The following PCSK5 variants were observed in gnomAD, a reference collection of about 807,000 sequenced individuals.
PCSK5 encodes the protein prohormone convertase 5.
PCSK5 carries 129 observed loss-of-function variants against 233.2 expected under a neutral mutation model. The ratio of observed to expected loss-of-function variants is 0.55; its 90% CI spans 0.48 to 0.64. PCSK5 has a LOEUF of 0.64. Among genes scored for constraint, PCSK5 ranks in the 30% least tolerant of loss-of-function variants. The pLI, the probability that PCSK5 is intolerant of heterozygous loss-of-function variation, is 0.00. For missense variants in PCSK5, 2,076 were observed against 2,430.1 expected, an observed-to-expected ratio of 0.85 and a Z score of 3.06; for synonymous variants, 825 against 879.2, an observed-to-expected ratio of 0.94 and a Z score of 1.09.
intron 14 of PCSK5, among the ~76,000 whole-genome samples, chr9:76,177,943 G>A (rs920835534): frequency 2.4e-5 from 3 of 125,196 alleles, no homozygotes; most frequent in African/African-American, 8.5e-5. Flanking sequence ...AAGAATAAAT[G>A]TTTGGGATTT....
At chr9:76,120,149 TC>T (rs1832578097) in intron 9 of PCSK5, among the ~76,000 whole-genome samples, 1 of 152,106 alleles carries the variant, frequency 6.6e-6, no homozygotes, top group African/African-American at 2.4e-5. Flanking sequence ...TTTATAGGGA[TC>T]CTATTTGCCC....
At chr9:75,954,795 C>G (rs1457977545) in intron 2 of PCSK5, among the ~76,000 whole-genome samples, 1 of 152,106 alleles carries the variant, frequency 6.6e-6, no homozygotes, top group Non-Finnish European at 1.5e-5. Flanking sequence ...AGGGCTTTCT[C>G]AACAGGAGAG....
At chr9:76,224,041 G>C (rs1825806179) in intron 20 of PCSK5, among the ~76,000 whole-genome samples, 1 of 152,172 alleles carries the variant, frequency 6.6e-6, no homozygotes, top group African/African-American at 2.4e-5. Context: ...AACGTGAAGA[G>C]GCATGCAGAC....
At chr9:76,307,217 G>T (rs1253161972) in intron 28 of PCSK5, among the ~76,000 whole-genome samples, 1 of 152,164 alleles carries the variant, frequency 6.6e-6, no homozygotes, top group Non-Finnish European at 1.5e-5. Flanking sequence ...CGGCATAGCT[G>T]GGATCTGAAG....
chr9:75,920,392 G>A (rs550210916), intron 1 of PCSK5, among the ~76,000 whole-genome samples: 4 of 152,208 alleles, frequency 2.6e-5, no homozygotes, highest in South Asian at 2.1e-4. Flanking sequence ...GGGCTCAAGC[G>A]ATCCTCCTGC....
intron 9 of PCSK5, among the ~76,000 whole-genome samples, chr9:76,127,883 A>G (rs1010371268): frequency 3.9e-5 from 6 of 152,184 alleles, no homozygotes; most frequent in Non-Finnish European, 5.9e-5. Context: ...AGAGACTTTC[A>G]AGAGGTTCAG....
chr9:76,300,964 T>C (rs1183159842), intron 27 of PCSK5, among the ~76,000 whole-genome samples: 1 of 152,166 alleles, frequency 6.6e-6, no homozygotes, highest in African/African-American at 2.4e-5. Context: ...CAGCATTCCC[T>C]GGGTCACAAA....
intron 22 of PCSK5, among the ~76,000 whole-genome samples, chr9:76,237,796 A>G (rs1235264042): frequency 6.6e-6 from 1 of 152,188 alleles, no homozygotes. Flanking sequence ...AATGTATTTC[A>G]ACTATGGCTT....
chr9:76,249,069 T>C (rs753634073), intron 24 of PCSK5, among the ~76,000 whole-genome samples: 22 of 152,228 alleles, frequency 1.4e-4, no homozygotes, highest in Non-Finnish European at 2.5e-4. Context: ...AACCCTCACC[T>C]CGTATTCTTG....
intron 9 of PCSK5, among the ~76,000 whole-genome samples, chr9:76,124,348 T>C (rs1412487058): frequency 6.6e-6 from 1 of 152,200 alleles, no homozygotes; most frequent in Admixed American, 6.5e-5. Flanking sequence ...GACTCAGTAA[T>C]TTTTAGTCCT....
intron 29 of PCSK5, 88 bp from the exon 30 acceptor site, chr9:76,310,568 G>C (rs2131438034): frequency 2.6e-6 from 2 of 777,642 alleles, no homozygotes; most frequent in East Asian, 5.7e-5. Flanking sequence ...TGGATACTTT[G>C]GTCTTTGGAA....
intron 7 of PCSK5, among the ~76,000 whole-genome samples, chr9:76,088,116 A>T (rs1831139224): frequency 6.6e-6 from 1 of 152,134 alleles, no homozygotes; most frequent in Non-Finnish European, 1.5e-5. Context: ...CCTTCCTTAG[A>T]GTGTCTCTTA....
intron 34 of PCSK5, among the ~76,000 whole-genome samples, chr9:76,335,948 A>G (rs1300375146): frequency 6.6e-6 from 1 of 152,202 alleles, no homozygotes; most frequent in Non-Finnish European, 1.5e-5. Context: ...AGCTACTAAT[A>G]CATGGCAGAG....
chr9:76,180,833 A>G (rs1610363), intron 15 of PCSK5, among the ~76,000 whole-genome samples: 38,424 of 152,028 alleles, frequency 0.25, 5,920 homozygotes, highest in East Asian at 0.61. Context: ...ATTGGTGCTC[A>G]GTAAATATTT....
intron 3 of PCSK5, among the ~76,000 whole-genome samples, chr9:76,001,887 GT>G (rs1827278191): frequency 6.6e-6 from 1 of 152,182 alleles, no homozygotes; most frequent in Admixed American, 6.5e-5. Context: ...GGAATGTGCA[GT>G]GAACAAATCA....
At chr9:76,086,994 C>A (rs1376717880) in intron 7 of PCSK5, among the ~76,000 whole-genome samples, 2 of 152,148 alleles carry the variant, frequency 1.3e-5, no homozygotes, top group Non-Finnish European at 2.9e-5. Flanking sequence ...TAAACACACC[C>A]AGTTTTTATT....
At chr9:75,959,200 GA>G (rs1825226615) in intron 2 of PCSK5, among the ~76,000 whole-genome samples, 1 of 152,182 alleles carries the variant, frequency 6.6e-6, no homozygotes, top group African/African-American at 2.4e-5. Context: ...CAATCTTTAA[GA>G]AGAAGTTTGC....
intron 2 of PCSK5, among the ~76,000 whole-genome samples, chr9:75,974,338 G>A (rs1373378658): frequency 1.3e-5 from 2 of 152,100 alleles, no homozygotes; most frequent in African/African-American, 2.4e-5. Context: ...AAGTTTTGTC[G>A]AGTACCACCT....
At chr9:76,211,585 C>T (rs1329764500) in intron 20 of PCSK5, among the ~76,000 whole-genome samples, 1 of 152,228 alleles carries the variant, frequency 6.6e-6, no homozygotes, top group Non-Finnish European at 1.5e-5. Context: ...TGGTGGCTCA[C>T]ACCTGTAATC....
Sources: allele counts gnomAD v4.1 joint callset (sites outside exome capture counted in the v4.1 genomes callset), GRCh38; gene constraint gnomAD v4.1.1; transcripts MANE v1.5; gene names NCBI Gene and HGNC (gene_info 2026-07-23, HGNC 2026-07-21).